Variants in TNRC6B observed in about 807,000 individuals in gnomAD.
TNRC6B encodes trinucleotide repeat containing adaptor 6B, also known as trinucleotide repeat-containing gene 6B protein.
A neutral mutation model predicts 203.6 loss-of-function variants in TNRC6B; 52 were observed. The observed-to-expected ratio is 0.26, with a 90% CI of 0.20 to 0.32. The LOEUF (loss-of-function observed/expected upper bound fraction) is 0.32. Among genes scored for constraint, TNRC6B ranks in the 10% least tolerant of loss-of-function variants. The pLI is 1.00. For missense variants in TNRC6B, 1,923 were observed against 2,286.2 expected (o/e 0.84, Z 3.24); for synonymous variants, 838 against 845.7 (o/e 0.99, Z 0.16).
intron 1 of TNRC6B, among the ~76,000 whole-genome samples, chr22:40,227,269 C>T (rs1344016490): frequency 1.3e-5 from 2 of 150,326 alleles, no homozygotes; most frequent in African/African-American, 2.4e-5. Flanking sequence ...TGCCATGTTG[C>T]CCAGGCTGGG....
At chr22:40,113,337 G>C (rs1214169183) in intron 1 of TNRC6B, among the ~76,000 whole-genome samples, 3 of 152,144 alleles carry the variant, frequency 2.0e-5, no homozygotes, top group Non-Finnish European at 2.9e-5. Flanking sequence ...AAAACCATCT[G>C]TTTCTAGCAG....
intron 1 of TNRC6B, among the ~76,000 whole-genome samples, chr22:40,063,573 T>C (rs1348473570): frequency 6.6e-6 from 1 of 152,250 alleles, no homozygotes; most frequent in African/African-American, 2.4e-5. Flanking sequence ...ATTCAGATCA[T>C]TTTTAATTTA....
chr22:40,173,920 T>C (rs2069030951), upstream of TNRC6B, among the ~76,000 whole-genome samples: 1 of 148,048 alleles, frequency 6.8e-6, no homozygotes, highest in African/African-American at 2.5e-5. Context: ...TGTCCTGCCT[T>C]AGCCTCCCAA....
intron 1 of TNRC6B, among the ~76,000 whole-genome samples, chr22:40,216,150 C>G (rs2069631849): frequency 2.0e-5 from 3 of 152,238 alleles, no homozygotes; most frequent in Admixed American, 2.0e-4. Context: ...ATGCCGTTCC[C>G]CCTAGTTAGA....
At chr22:40,105,480 T>A (rs547085646) in intron 1 of TNRC6B, among the ~76,000 whole-genome samples, 6 of 152,150 alleles carry the variant, frequency 3.9e-5, no homozygotes, top group Admixed American at 2.6e-4. Flanking sequence ...ATTTCTTTAT[T>A]TTCCTTTCTA....
chr22:40,308,079 C>T (rs985168484), intron 15 of TNRC6B, among the ~76,000 whole-genome samples: 3 of 152,158 alleles, frequency 2.0e-5, no homozygotes. Flanking sequence ...TCCCCAAATA[C>T]CTCCCTGAGG....
intron 1 of TNRC6B, among the ~76,000 whole-genome samples, chr22:40,193,088 G>A (rs1159334307): frequency 1.3e-5 from 2 of 152,146 alleles, no homozygotes; most frequent in Non-Finnish European, 2.9e-5. Context: ...CTGAATGAGG[G>A]CAGTTAGATT....
intron 1 of TNRC6B, among the ~76,000 whole-genome samples, chr22:40,207,283 C>T (rs1367815593): frequency 2.0e-5 from 3 of 151,824 alleles, no homozygotes; most frequent in Non-Finnish European, 4.4e-5. Flanking sequence ...TGGCTCACGC[C>T]TATAGTTCCA....
At chr22:40,307,239 T>A (rs1601510752) in intron 15 of TNRC6B, among the ~76,000 whole-genome samples, 1 of 152,154 alleles carries the variant, frequency 6.6e-6, no homozygotes, top group Admixed American at 6.5e-5. Flanking sequence ...AAACACAACC[T>A]GATCCCTTAG....
chr22:40,195,497 C>CT (rs2069325484), intron 1 of TNRC6B, among the ~76,000 whole-genome samples: 1 of 152,186 alleles, frequency 6.6e-6, no homozygotes, highest in South Asian at 2.1e-4. Flanking sequence ...GGGCTTTGCT[C>CT]TGTCACCCAG....
rs976408870 is a variant in TNRC6B, at chr22:40,135,157, G to A, written c.45+9295G>A. 9.8e-5 allele frequency among the ~76,000 whole-genome samples: 15 copies of A among 152,328 alleles called. No homozygotes were observed. The East Asian group carries it at 2.9e-3, about 29-fold the overall frequency. Reference sequence around the variant, plus strand: ...CATGGTGGCAGGGATTCAGGAGGGAGCATTCCAACTGTGCAGGAGCTGCAG... The same window carrying A: ...CATGGTGGCAGGGATTCAGGAGGGAACATTCCAACTGTGCAGGAGCTGCAG... On this transcript the variant is annotated intron_variant, in intron 3 of 23. Transcript: ENST00000301923.
intron 1 of TNRC6B, among the ~76,000 whole-genome samples, chr22:40,197,700 C>G (rs2146402238): frequency 6.6e-6 from 1 of 151,072 alleles, no homozygotes; most frequent in Middle Eastern, 3.4e-3. Flanking sequence ...ACCTTCTGGG[C>G]TCAAGCTGAG....
At chr22:40,318,264 A>C (rs1037318524) in intron 21 of TNRC6B, among the ~76,000 whole-genome samples, 1 of 152,108 alleles carries the variant, frequency 6.6e-6, no homozygotes, top group African/African-American at 2.4e-5. Flanking sequence ...GTTCCAAGTT[A>C]CGGCCGGGCA....
intron 3 of TNRC6B, among the ~76,000 whole-genome samples, chr22:40,259,589 C>G (rs1438352508): frequency 6.6e-6 from 1 of 152,174 alleles, no homozygotes; most frequent in Non-Finnish European, 1.5e-5. Context: ...CTGACCTCCA[C>G]TCCCCCTCCC....
intron 1 of TNRC6B, among the ~76,000 whole-genome samples, chr22:40,201,717 A>G (rs1206923864): frequency 6.6e-6 from 1 of 151,932 alleles, no homozygotes; most frequent in East Asian, 1.9e-4. Flanking sequence ...GAGCCACCAC[A>G]CCCAGCCTCC....
At chr22:40,174,176 T>C (rs2069033825), upstream of TNRC6B, among the ~76,000 whole-genome samples, 1 of 151,958 alleles carries the variant, frequency 6.6e-6, no homozygotes, top group South Asian at 2.1e-4. Flanking sequence ...TTTCTTTTTT[T>C]TTTTAGAGAC....
At chr22:40,243,405 T>C (rs2070059262) in intron 1 of TNRC6B, among the ~76,000 whole-genome samples, 1 of 152,198 alleles carries the variant, frequency 6.6e-6, no homozygotes, top group African/African-American at 2.4e-5. Context: ...GGTGAAAGTA[T>C]AGCTTGTCAC....
At chr22:40,220,067 G>C (rs1021638152) in intron 1 of TNRC6B, among the ~76,000 whole-genome samples, 1 of 152,198 alleles carries the variant, frequency 6.6e-6, no homozygotes, top group Non-Finnish European at 1.5e-5. Context: ...AACAAATTAT[G>C]ATAGAGCTTA....
intron 3 of TNRC6B, chr22:40,253,505 A>T (rs1370788916): frequency 3.8e-5 from 14 of 365,464 alleles, no homozygotes; most frequent in South Asian, 1.5e-4. Flanking sequence ...TCACCACCAA[A>T]TTTTTTTTTT....
Sources: gnomAD v4.1 joint callset for allele counts (sites outside exome capture counted in the v4.1 genomes callset) on GRCh38, gnomAD v4.1.1 for gene constraint, MANE v1.5 for transcripts, NCBI Gene and HGNC (gene_info 2026-07-23, HGNC 2026-07-21) for gene names.